Variants in UBOX5 observed in about 807,000 individuals in gnomAD.
UBOX5 encodes U-box domain containing 5.
UBOX5 carries 28 observed loss-of-function variants against 39.0 expected under a neutral mutation model. The ratio of observed to expected loss-of-function variants is 0.72; its 90% CI spans 0.53 to 0.98. UBOX5 has a LOEUF of 0.98. UBOX5 is among the 50% of genes least tolerant of loss of function. The pLI, the probability that UBOX5 is intolerant of heterozygous loss-of-function variation, is 0.00. For synonymous variants in UBOX5, 283 were observed against 275.5 expected (o/e 1.03, Z -0.27); for missense variants, 585 against 674.4 (o/e 0.87, Z 1.47).
intron 1 of UBOX5, chr20:3,148,787 G>A: frequency 6.2e-7 from 1 of 1,614,252 alleles, no homozygotes; most frequent in East Asian, 2.2e-5. Flanking sequence ...GGCCCTGGGT[G>A]AGCCCAGCTG....
At chr20:3,152,188 G>A (rs2148624905) in intron 1 of UBOX5, among the ~76,000 whole-genome samples, 1 of 150,556 alleles carries the variant, frequency 6.6e-6, no homozygotes, top group South Asian at 2.1e-4. Context: ...CTTTTAAGAA[G>A]ACCTATTTTT....
Position 3,109,255 on chromosome 20 carries a change from A to G in UBOX5, c.*851T>C. On this transcript the variant is annotated 3_prime_UTR_variant, in exon 5 of 5. Coordinates refer to ENST00000217173, the MANE Select transcript of UBOX5 (RefSeq NM_014948.4). Reference sequence around the variant, plus strand: ...CCATAAAGCTAAATGTTGGGCTGAAAAAAGGATGCAGCCTATAAACAAGTA... The same window carrying G: ...CCATAAAGCTAAATGTTGGGCTGAAGAAAGGATGCAGCCTATAAACAAGTA... 1 of 152,218 alleles carries G rather than the reference A, an allele frequency of 6.6e-6. No homozygotes were observed. Among genetic ancestry groups the G allele is most frequent in the East Asian group, 1.9e-4 (1 of 5,186 alleles). 9.4% of individuals were successfully genotyped at this position (152,218 alleles called of 1,614,324 possible).
chr20:3,117,287 G>GCA (rs11468015), intron 3 of UBOX5, among the ~76,000 whole-genome samples: 6,585 of 147,398 alleles, frequency 0.045, 337 homozygotes, highest in African/African-American at 0.13. Flanking sequence ...ACCAAAGATG[G>GCA]CACACACACA....
chr20:3,116,323 G>A (rs1421684506), intron 3 of UBOX5, among the ~76,000 whole-genome samples: 5 of 152,158 alleles, frequency 3.3e-5, no homozygotes, highest in Non-Finnish European at 7.3e-5. Flanking sequence ...ACAATTTAGG[G>A]GACCTTTAGT....
chr20:3,121,566 A>G lies in UBOX5; in HGVS notation c.1073T>C (p.Val358Ala). 1.2e-6 allele frequency: 2 copies of G among 1,607,612 alleles called. No homozygotes were observed. Among genetic ancestry groups the G allele is most frequent in the Non-Finnish European group, 8.5e-7 (1 of 1,176,832 alleles). ...TALAVIPSSI[V>A]LPSQKRKIEQ... is the part of the protein sequence containing the mutation. ...TATCTTCCTTTTCTGAGAGGGCAGA[A>G]CAATGGAAGAAGGGATCACTGCCAA... The change falls in exon 3 of 5, where the codon GTT becomes GCT. Residue 358 changes from valine (V) to alanine (A), a missense_variant. Transcript: ENST00000217173.
At chr20:3,110,476 G>C in intron 4 of UBOX5, 162 bp from the exon 5 acceptor site, 1 of 746,262 alleles carries the variant, frequency 1.3e-6, no homozygotes, top group Non-Finnish European at 2.2e-6. Context: ...AAGCGGGAGA[G>C]GGAGCCTGGG....
At chr20:3,113,738 C>T (rs988584926) in intron 4 of UBOX5, among the ~76,000 whole-genome samples, 3 of 152,116 alleles carry the variant, frequency 2.0e-5, no homozygotes, top group Non-Finnish European at 4.4e-5. Flanking sequence ...CACCACAAGA[C>T]AGAAGATGCT....
intron 1 of UBOX5, among the ~76,000 whole-genome samples, chr20:3,136,660 A>G (rs1204695048): frequency 7.1e-6 from 1 of 141,310 alleles, no homozygotes; most frequent in East Asian, 2.2e-4. Context: ...CGGCCTTAAT[A>G]TTACTATTAT....
chr20:3,122,690 T>C (rs2066347968), intron 2 of UBOX5, 106 bp from the exon 3 acceptor site: 2 of 1,396,546 alleles, frequency 1.4e-6, no homozygotes, highest in African/African-American at 1.4e-5. Flanking sequence ...ATTTCCTCTA[T>C]TAAACTGAAT....
chr20:3,137,881 G>A (rs917285976), intron 1 of UBOX5, among the ~76,000 whole-genome samples: 3 of 152,164 alleles, frequency 2.0e-5, no homozygotes, highest in Non-Finnish European at 2.9e-5. Context: ...CTCCAGTTAA[G>A]CTCACTGCCC....
intron 1 of UBOX5, among the ~76,000 whole-genome samples, chr20:3,144,713 C>G (rs2066545202): frequency 6.6e-6 from 1 of 152,150 alleles, no homozygotes; most frequent in Non-Finnish European, 1.5e-5. Context: ...TATCTGTTAC[C>G]TGTATTATGT....
chr20:3,143,666 G>C (rs1431992975), intron 1 of UBOX5, among the ~76,000 whole-genome samples: 3 of 152,078 alleles, frequency 2.0e-5, no homozygotes, highest in Admixed American at 1.3e-4. Flanking sequence ...GTGGTGGCAG[G>C]TGCCTGTAAT....
chr20:3,123,295 A>G lies in UBOX5; in HGVS notation c.54+17T>C. 1 of 1,608,372 alleles carries G rather than the reference A, an allele frequency of 6.2e-7. No individual in the cohort carries two copies. Among genetic ancestry groups the G allele is most frequent in the Middle Eastern group, 1.7e-4 (1 of 6,038 alleles). On this transcript the variant is annotated intron_variant, in intron 2 of 4. Transcript: ENST00000217173. ...AAACATAGCATATATTTATGTGTAT[A>G]TATTTGTTTTGTTTACCTTGTTGCA...
Position 3,109,743 on chromosome 20 carries a change from A to C in UBOX5, c.*363T>G, listed in dbSNP as rs1464610811. The stretch of plus-strand genomic sequence containing the variant: ...CAGAGACTCCTGAGATCTGGGCCAC[A>C]ATCTAGGGTGAGCCACCCACAGTGC... On this transcript the variant is annotated 3_prime_UTR_variant, in exon 5 of 5. Coordinates refer to ENST00000217173, the MANE Select transcript of UBOX5 (RefSeq NM_014948.4). 1 of 292,434 alleles carries C rather than the reference A, an allele frequency of 3.4e-6. No homozygotes were observed. The highest frequency in any genetic ancestry group is 6.7e-6 in the Non-Finnish European group (1 of 150,110). 18.1% of individuals were successfully genotyped at this position (292,434 alleles called of 1,614,324 possible). A position where few individuals can be genotyped will look rare whatever the true frequency, so the allele number is the denominator to read the frequency against.
rs1334196699 is a variant in UBOX5 at position 3,108,752 on chromosome 20, G to A, written c.*1354C>T. The A allele has an allele frequency of 6.8e-6, 1 of 147,856 alleles. No homozygotes were observed. Among genetic ancestry groups the A allele is most frequent in the Non-Finnish European group, 1.5e-5 (1 of 67,982 alleles). The allele number at this position is 147,856 out of a possible 1,614,324, so 9.2% of individuals were successfully genotyped here. On this transcript the variant is annotated 3_prime_UTR_variant, in exon 5 of 5. Coordinates refer to ENST00000217173, the MANE Select transcript of UBOX5 (RefSeq NM_014948.4). ...GTTTGAGACCAGTCTGGACAACATA[G>A]CAAGACCTTGTCTCTACAAAAAATA... is the stretch of plus-strand genomic sequence containing the variant.
intron 1 of UBOX5, among the ~76,000 whole-genome samples, chr20:3,135,050 G>A (rs1022986765): frequency 1.1e-4 from 17 of 152,104 alleles, no homozygotes; most frequent in Admixed American, 6.6e-4. Context: ...GTATGGATAT[G>A]TCATGAAATT....
chr20:3,156,951 A>C (rs2066692178), intron 1 of UBOX5, among the ~76,000 whole-genome samples: 1 of 152,204 alleles, frequency 6.6e-6, no homozygotes. Context: ...TTTGTTGAGC[A>C]ACCTTAAGAA....
At chr20:3,152,415 T>C (rs2066639392) in intron 1 of UBOX5, among the ~76,000 whole-genome samples, 1 of 151,678 alleles carries the variant, frequency 6.6e-6, no homozygotes, top group East Asian at 1.9e-4. Context: ...GGCGGGAGAA[T>C]CACTTGAACC....
intron 1 of UBOX5, among the ~76,000 whole-genome samples, chr20:3,140,078 AT>A (rs2066504956): frequency 7.4e-6 from 1 of 135,126 alleles, no homozygotes; most frequent in Admixed American, 8.7e-5. Context: ...CTGGAGTGCA[AT>A]GGTGCAATCT....
Sources: allele counts gnomAD v4.1 joint callset (sites outside exome capture counted in the v4.1 genomes callset), GRCh38; gene constraint gnomAD v4.1.1; transcripts MANE v1.5; gene names NCBI Gene and HGNC (gene_info 2026-07-23, HGNC 2026-07-21).